SGCZ: variants seen among roughly 807,000 people sequenced by gnomAD.
SGCZ encodes sarcoglycan zeta.
A neutral mutation model predicts 41.3 loss-of-function variants in SGCZ; 40 were observed. That is an observed-to-expected ratio of 0.97 (90% confidence interval 0.75 to 1.26). SGCZ has a LOEUF of 1.26. SGCZ is among the 50% of genes most tolerant of loss of function. The pLI is 0.00. For synonymous variants in SGCZ, 206 were observed against 137.5 expected, an observed-to-expected ratio of 1.50 and a Z score of -3.49; for missense variants, 552 against 369.8, an observed-to-expected ratio of 1.49 and a Z score of -4.04.
chr8:14,606,909 A>T (rs902641445), intron 1 of SGCZ, among the ~76,000 whole-genome samples: 1 of 152,132 alleles, frequency 6.6e-6, no homozygotes, highest in Non-Finnish European at 1.5e-5. Flanking sequence ...ATATGAGGTA[A>T]ATTGATCAAT....
chr8:14,917,253 T>C (rs1186750289), intron 1 of SGCZ, among the ~76,000 whole-genome samples: 2 of 152,240 alleles, frequency 1.3e-5, no homozygotes, highest in East Asian at 3.9e-4. Flanking sequence ...CTATGGACAA[T>C]AATAATGTAA....
intron 2 of SGCZ, among the ~76,000 whole-genome samples, chr8:14,329,006 T>C (rs1802222539): frequency 6.6e-6 from 1 of 152,170 alleles, no homozygotes; most frequent in Non-Finnish European, 1.5e-5. Flanking sequence ...CACAACCTGC[T>C]AGTGCCTTGA....
chr8:15,080,947 G>C (rs568540756), intron 1 of SGCZ, among the ~76,000 whole-genome samples: 1 of 152,114 alleles, frequency 6.6e-6, no homozygotes, highest in African/African-American at 2.4e-5. Context: ...TGCACAGAGG[G>C]AAGACCACGT....
chr8:15,238,203 G>C lies in SGCZ; in HGVS notation c.-580C>G, dbSNP rs1403202563. ...GCATAGACTTAAAAAATGTCTTGTAGCTGAGAGGTATTTTCTCAGTGGGGA... is the reference window on the plus strand; with the variant it reads ...GCATAGACTTAAAAAATGTCTTGTACCTGAGAGGTATTTTCTCAGTGGGGA... On this transcript the variant is annotated 5_prime_UTR_variant, in exon 1 of 8. Transcript: ENST00000382080. 1.3e-5 allele frequency: 2 copies of C among 152,450 alleles called. No homozygotes were observed. The highest frequency in any genetic ancestry group is 3.9e-4 in the East Asian group (2 of 5,190). 9.4% of individuals were successfully genotyped at this position (152,450 alleles called of 1,614,324 possible).
At chr8:14,712,701 T>G (rs532918401) in intron 1 of SGCZ, among the ~76,000 whole-genome samples, 1 of 152,282 alleles carries the variant, frequency 6.6e-6, no homozygotes, top group African/African-American at 2.4e-5. Flanking sequence ...AACGGTCTAA[T>G]GTAGCCTTGA....
chr8:14,831,394 G>A lies in SGCZ; in HGVS notation c.40-276468C>T, dbSNP rs79523415. The stretch of plus-strand genomic sequence containing the variant: ...CAAGATAATCTATGTGTTATCTGGG[G>A]CTACCATGACTCCACCACCAGCCTT... On this transcript the variant is annotated intron_variant, in intron 1 of 7. Coordinates refer to ENST00000382080, the MANE Select transcript of SGCZ (RefSeq NM_139167.4). Among the ~76,000 whole-genome samples the A allele has an allele frequency of 1.3e-3, 204 of 152,184 alleles. 2 individuals carry two copies. The East Asian group carries it at 0.027, about 20-fold the overall frequency.
At chr8:14,167,222 A>G (rs1804237821) in intron 4 of SGCZ, among the ~76,000 whole-genome samples, 1 of 152,160 alleles carries the variant, frequency 6.6e-6, no homozygotes, top group Non-Finnish European at 1.5e-5. Flanking sequence ...ATATTCTAAG[A>G]TGCACTGTGT....
At chr8:14,991,690 C>T (rs771678266) in intron 1 of SGCZ, among the ~76,000 whole-genome samples, 2 of 151,790 alleles carry the variant, frequency 1.3e-5, no homozygotes, top group Non-Finnish European at 2.9e-5. Flanking sequence ...TCTCACCCAT[C>T]CTCCTCATCC....
intron 1 of SGCZ, among the ~76,000 whole-genome samples, chr8:14,784,197 C>T (rs1800679948): frequency 6.8e-6 from 1 of 147,220 alleles, no homozygotes; most frequent in Non-Finnish European, 1.5e-5. Context: ...AACACAGGCA[C>T]ATGCCACCGA....
chr8:14,673,724 G>T (rs995609940), intron 1 of SGCZ, among the ~76,000 whole-genome samples: 1 of 152,080 alleles, frequency 6.6e-6, no homozygotes, highest in South Asian at 2.1e-4. Flanking sequence ...ACGAATAAAT[G>T]AACAAATTAA....
intron 1 of SGCZ, among the ~76,000 whole-genome samples, chr8:14,735,675 C>T (rs527552537): frequency 3.9e-5 from 6 of 152,232 alleles, no homozygotes; most frequent in African/African-American, 1.4e-4. Flanking sequence ...TCCTGTGAGT[C>T]AATTCTCCTT....
chr8:14,821,514 A>G (rs75892915), intron 1 of SGCZ, among the ~76,000 whole-genome samples: 6,335 of 152,174 alleles, frequency 0.042, 206 homozygotes, highest in African/African-American at 0.096. Flanking sequence ...AAATTAAAAA[A>G]ATATATAATA....
At position 15,206,145 on chromosome 8, in the gene SGCZ, T is replaced by G. The variant is rs369016252; in HGVS notation, c.39+31440A>C. On this transcript the variant is annotated intron_variant, in intron 1 of 7. Coordinates refer to ENST00000382080, the MANE Select transcript of SGCZ (RefSeq NM_139167.4). Reference sequence around the variant, plus strand: ...AACCACCATGACATGAGTTTACCTATGCAACAAACCTTCATATGTATGCCG... The same window carrying G: ...AACCACCATGACATGAGTTTACCTAGGCAACAAACCTTCATATGTATGCCG... Among the ~76,000 whole-genome samples the G allele has an allele frequency of 3.3e-5, 5 of 152,288 alleles. No homozygotes were observed. In the South Asian group the frequency reaches 1.0e-3, roughly 32 times the overall value.
At chr8:14,960,687 C>T (rs1010694012) in intron 1 of SGCZ, among the ~76,000 whole-genome samples, 1 of 151,974 alleles carries the variant, frequency 6.6e-6, no homozygotes, top group Non-Finnish European at 1.5e-5. Flanking sequence ...ATATGAAATA[C>T]TCAAGCCATA....
intron 2 of SGCZ, among the ~76,000 whole-genome samples, chr8:14,528,143 T>C (rs546837068): frequency 3.7e-4 from 56 of 152,156 alleles, no homozygotes; most frequent in African/African-American, 1.3e-3. Context: ...TGTTGTATGT[T>C]TTCATACAGA....
At chr8:14,610,162 G>T (rs987106875) in intron 1 of SGCZ, among the ~76,000 whole-genome samples, 6 of 152,098 alleles carry the variant, frequency 3.9e-5, no homozygotes, top group African/African-American at 1.4e-4. Context: ...GAGTAAATTT[G>T]CAGGATGGCA....
At chr8:14,171,884 T>C (rs552528041) in intron 4 of SGCZ, among the ~76,000 whole-genome samples, 1 of 152,258 alleles carries the variant, frequency 6.6e-6, no homozygotes, top group Non-Finnish European at 1.5e-5. Context: ...GTGTCATAAA[T>C]CAGTGAATTA....
intron 1 of SGCZ, among the ~76,000 whole-genome samples, chr8:15,109,012 T>G (rs1806942996): frequency 6.6e-6 from 1 of 152,154 alleles, no homozygotes; most frequent in South Asian, 2.1e-4. Context: ...ATTTTGAGGT[T>G]TGATGGTCTT....
chr8:14,386,232 T>C (rs928450833), intron 2 of SGCZ, among the ~76,000 whole-genome samples: 1 of 152,038 alleles, frequency 6.6e-6, no homozygotes, highest in South Asian at 2.1e-4. Context: ...CTGATATAAT[T>C]GCACCTGCTA....
Sources: gnomAD v4.1 joint callset for allele counts (sites outside exome capture counted in the v4.1 genomes callset) on GRCh38, gnomAD v4.1.1 for gene constraint, MANE v1.5 for transcripts, NCBI Gene and HGNC (gene_info 2026-07-23, HGNC 2026-07-21) for gene names.